The following RAB5B variants were observed in gnomAD, a reference collection of about 807,000 sequenced individuals.
The protein encoded by RAB5B is ras-related protein Rab-5B.
In RAB5B, 11 loss-of-function variants were observed where a neutral mutation model predicts 28.6. The ratio of observed to expected loss-of-function variants is 0.38; its 90% CI spans 0.24 to 0.64. The LOEUF is 0.64. Among genes scored for constraint, RAB5B ranks in the 30% least tolerant of loss-of-function variants. The pLI is 0.53. For missense variants in RAB5B, 169 were observed against 265.6 expected, an observed-to-expected ratio of 0.64 and a Z score of 2.53; for synonymous variants, 93 against 97.9, an observed-to-expected ratio of 0.95 and a Z score of 0.29.
At chr12:55,987,179 T>C in intron 2 of RAB5B, 56 bp downstream of exon 2, 2 of 1,418,156 alleles carry the variant, frequency 1.4e-6, no homozygotes, top group South Asian at 1.3e-5. Flanking sequence ...TTTTTTTTTT[T>C]AGATGGAGTC....
At chr12:55,973,981 C>T (rs1358071554), upstream of RAB5B, 2 of 152,388 alleles carry the variant, frequency 1.3e-5, no homozygotes, top group African/African-American at 4.8e-5. Context: ...GATGAGTGCA[C>T]ATATAGCCCA....
In RAB5B at chr12:55,990,779, C is replaced by A. The variant is rs1257418415; in HGVS notation, c.413C>A (p.Ala138Asp). 1 of 1,613,900 alleles carries A rather than the reference C, an allele frequency of 6.2e-7. No homozygotes were observed. The highest frequency in any genetic ancestry group is 8.5e-7 in the Non-Finnish European group (1 of 1,179,912). The part of the protein sequence containing the change: ...IALAGNKADL[A>D]NKRMVEYEEA... Reference sequence around the variant, plus strand: ...CTGGCAGGGAACAAAGCTGACCTGGCCAACAAACGTATGGTGGAGTATGAA... The same window carrying A: ...CTGGCAGGGAACAAAGCTGACCTGGACAACAAACGTATGGTGGAGTATGAA... The change falls in exon 4 of 6, where the codon GCC becomes GAC. Residue 138 changes from alanine to aspartate, a missense_variant. Physicochemically the swap from Ala to Asp is moderately radical, Grantham distance 126. Coordinates refer to ENST00000360299, the MANE Select transcript of RAB5B (RefSeq NM_002868.4).
intron 5 of RAB5B, chr12:55,991,858 TGGA>T: frequency 2.2e-6 from 1 of 464,906 alleles, no homozygotes; most frequent in East Asian, 4.2e-5. Flanking sequence ...ACCCGGGAGG[TGGA>T]GGTTGCAGTG....
chr12:55,980,389 C>T (rs1433117487), intron 1 of RAB5B: 25 of 1,516,514 alleles, frequency 1.6e-5, no homozygotes, highest in Non-Finnish European at 2.0e-5. Context: ...CCCTCAGGTT[C>T]AGCTTCCGGG....
chr12:55,988,144 C>G (rs370179020), intron 2 of RAB5B, among the ~76,000 whole-genome samples: 1 of 150,938 alleles, frequency 6.6e-6, no homozygotes, highest in South Asian at 2.1e-4. Flanking sequence ...AGTGAAAATC[C>G]GTCTCAAAAA....
At position 55,992,197 on chromosome 12, in the gene RAB5B, G is replaced by A. The variant is rs1443267297; in HGVS notation, c.633G>A (p.Gln211=). The A allele has an allele frequency of 6.2e-7, 1 of 1,613,898 alleles. No homozygotes were observed. The highest frequency in any genetic ancestry group is 1.7e-5 in the Admixed American group (1 of 60,014). ...LHEQSQQNKS[Q]CCSN Reference sequence around the variant, plus strand: ...AACAGTCCCAGCAGAACAAGAGCCAGTGTTGTAGCAACTGAGGGGGTGGCT... The same window carrying A: ...AACAGTCCCAGCAGAACAAGAGCCAATGTTGTAGCAACTGAGGGGGTGGCT... Residue 211 remains glutamine (Q), a synonymous_variant, in exon 6 of 6, where the codon CAG becomes CAA. Coordinates refer to ENST00000360299, the MANE Select transcript of RAB5B (RefSeq NM_002868.4).
rs1168786969 is a variant in RAB5B, at chr12:55,993,384, C to G, written c.*1172C>G. 6.6e-6 allele frequency: 1 copy of G among 152,624 alleles called. No individual in the cohort carries two copies. The highest frequency in any genetic ancestry group is 2.4e-5 in the African/African-American group (1 of 41,430). The allele number at this position is 152,624 out of a possible 1,614,324, so 9.5% of individuals were successfully genotyped here. On this transcript the variant is annotated 3_prime_UTR_variant, in exon 6 of 6. Transcript: ENST00000360299. ...CCAACTCTAATTATTAACCTATATT[C>G]TTGCCAAGCTAACTATTGACTATAG... is the stretch of plus-strand genomic sequence containing the variant.
chr12:55,986,437 C>T (rs989716634), intron 1 of RAB5B, among the ~76,000 whole-genome samples: 4 of 151,438 alleles, frequency 2.6e-5, no homozygotes, highest in Non-Finnish European at 4.4e-5. Flanking sequence ...ACAAGAGTGA[C>T]GTCTCAAAAA....
At chr12:55,989,164 ACTC>A (rs913879970) in intron 2 of RAB5B, among the ~76,000 whole-genome samples, 5 of 150,972 alleles carry the variant, frequency 3.3e-5, no homozygotes, top group African/African-American at 1.2e-4. Flanking sequence ...CTGGTCTCGA[ACTC>A]CTGACCTCAA....
chr12:55,981,324 A>G (rs1219708748), intron 1 of RAB5B, among the ~76,000 whole-genome samples: 5 of 152,112 alleles, frequency 3.3e-5, no homozygotes, highest in African/African-American at 1.2e-4. Flanking sequence ...TCGCCCTCCC[A>G]AAGTGCTAGG....
rs377046623 is a variant in RAB5B, at chr12:55,992,153, C to G, written c.589C>G (p.Arg197Gly). The stretch of plus-strand genomic sequence containing the variant: ...TCTGGGAGGTGCAGCAGGCCGAAGC[C>G]GGGGTGTGGATCTCCATGAACAGTC... ...QNLGGAAGRSRGVDLHEQSQQ... is the reference protein window; with the variant it reads ...QNLGGAAGRSGGVDLHEQSQQ... Residue 197 changes from arginine (R) to glycine (G), a missense_variant, in exon 6 of 6, where the codon CGG (arginine) becomes GGG (glycine). Coordinates refer to ENST00000360299, the MANE Select transcript of RAB5B (RefSeq NM_002868.4). The G allele has an allele frequency of 6.2e-7, 1 of 1,614,100 alleles. No homozygotes were observed.
chr12:55,991,875 C>T (rs995904367), intron 5 of RAB5B: 4 of 490,798 alleles, frequency 8.1e-6, no homozygotes, highest in African/African-American at 3.9e-5. Context: ...TGCAGTGAGC[C>T]GAGATTGTGC....
At chr12:55,991,713 G>A in intron 5 of RAB5B, 1 of 430,540 alleles carries the variant, frequency 2.3e-6, no homozygotes, top group Non-Finnish European at 4.3e-6. Flanking sequence ...CGGATCACGA[G>A]GTCAAGAGAT....
At chr12:55,975,759 G>A (rs766036928) in intron 1 of RAB5B, among the ~76,000 whole-genome samples, 9 of 147,862 alleles carry the variant, frequency 6.1e-5, no homozygotes, top group Non-Finnish European at 1.0e-4. Flanking sequence ...CCTTTTCTGC[G>A]TCTCTACCAA....
At chr12:55,990,314 A>G (rs1890074849) in intron 3 of RAB5B, 1 of 504,272 alleles carries the variant, frequency 2.0e-6, no homozygotes, top group Non-Finnish European at 3.5e-6. Flanking sequence ...AGGCTGAGGC[A>G]GGAGAATCGC....
intron 1 of RAB5B, among the ~76,000 whole-genome samples, chr12:55,986,625 C>CT (rs762363694): frequency 6.6e-6 from 1 of 152,050 alleles, no homozygotes; most frequent in Non-Finnish European, 1.5e-5. Context: ...ATTAAAAACT[C>CT]TCAGTTTTCA....
chr12:55,987,196 T>C, intron 2 of RAB5B, 73 bp downstream of exon 2: 1 of 1,437,208 alleles, frequency 7.0e-7, no homozygotes. Flanking sequence ...AGTCTTGCTC[T>C]GTTACCCAGG....
intron 1 of RAB5B, among the ~76,000 whole-genome samples, chr12:55,979,700 A>G (rs1039781982): frequency 6.6e-6 from 1 of 152,216 alleles, no homozygotes; most frequent in Admixed American, 6.5e-5. Flanking sequence ...CCAGTTGCCA[A>G]GGAAGGCCTG....
chr12:55,995,144 A>T lies in RAB5B; in HGVS notation c.*2932A>T, dbSNP rs1890250370. ...GGAGTCTCTGTCGCTAGCCTGGAGT[A>T]CAGTGGCACGATCTTGGCTCACAGC... On this transcript the variant is annotated 3_prime_UTR_variant, in exon 6 of 6. Coordinates refer to ENST00000360299, the MANE Select transcript of RAB5B (RefSeq NM_002868.4). The T allele has an allele frequency of 6.6e-6, 1 of 151,704 alleles. No homozygotes were observed. The highest frequency in any genetic ancestry group is 1.5e-5 in the Non-Finnish European group (1 of 67,962). 9.4% of individuals were successfully genotyped at this position (151,704 alleles called of 1,614,324 possible). A position where few individuals can be genotyped will look rare whatever the true frequency, so the allele number is the denominator to read the frequency against.
Sources: gnomAD v4.1 joint callset for allele counts (sites outside exome capture counted in the v4.1 genomes callset) on GRCh38, gnomAD v4.1.1 for gene constraint, MANE v1.5 for transcripts, NCBI Gene and HGNC (gene_info 2026-07-23, HGNC 2026-07-21) for gene names.